UNC79: variants seen among roughly 807,000 people sequenced by gnomAD.
UNC79 encodes the protein unc-79 subunit of NALCN channel complex, also known as protein unc-79 homolog.
Under a neutral mutation model 283.1 loss-of-function variants are expected in UNC79, and 37 were observed. That is an observed-to-expected ratio of 0.13 (90% CI 0.10 to 0.17). The LOEUF (loss-of-function observed/expected upper bound fraction) is 0.17. Among genes scored for constraint, UNC79 ranks in the 10% least tolerant of loss-of-function variants. The pLI, the probability that UNC79 is intolerant of heterozygous loss-of-function variation, is 1.00. For missense variants in UNC79, 2,272 were observed against 3,211.1 expected (o/e 0.71, Z 7.07); for synonymous variants, 1,107 against 1,200.2 (o/e 0.92, Z 1.61).
intron 1 of UNC79, among the ~76,000 whole-genome samples, chr14:93,371,524 C>G (rs75718397): frequency 6.6e-6 from 1 of 152,070 alleles, no homozygotes; most frequent in South Asian, 2.1e-4. Context: ...GGGAAAAAAA[C>G]TTCTTACCTG....
At chr14:93,365,814 A>C (rs1446393702) in intron 1 of UNC79, among the ~76,000 whole-genome samples, 1 of 152,206 alleles carries the variant, frequency 6.6e-6, no homozygotes, top group African/African-American at 2.4e-5. Flanking sequence ...CAGATAGAGA[A>C]AATGGAAGGG....
In UNC79 at chr14:93,529,282, A is replaced by G. The variant is rs754097671; in HGVS notation, c.1053-4A>G. ...TCAAAAATGAATTTTGTTTTTTTCA[A>G]TAGGGACCACAGTGAGTGGCTGATT... On this transcript the variant is annotated splice_polypyrimidine_tract_variant and splice_region_variant and intron_variant, in intron 9 of 48. Coordinates refer to ENST00000555664, the Ensembl canonical transcript of UNC79. 3.0e-5 allele frequency: 49 copies of G among 1,613,058 alleles called. No homozygotes were observed. Among genetic ancestry groups the G allele is most frequent in the Middle Eastern group, 1.7e-4 (1 of 6,042 alleles).
At chr14:93,566,034 T>C (rs1297060575) in intron 14 of UNC79, among the ~76,000 whole-genome samples, 3 of 151,600 alleles carry the variant, frequency 2.0e-5, no homozygotes, top group Non-Finnish European at 4.4e-5. Context: ...AAGCATAGCT[T>C]AGAGGGGTGG....
chr14:93,656,908 A>G (rs1041608154), intron 38 of UNC79, among the ~76,000 whole-genome samples: 1 of 152,220 alleles, frequency 6.6e-6, no homozygotes, highest in Non-Finnish European at 1.5e-5. Flanking sequence ...CAGGTTACCT[A>G]TTAGTAGCTC....
chr14:93,521,146 C>A (rs1470363224), intron 7 of UNC79, among the ~76,000 whole-genome samples: 1 of 151,848 alleles, frequency 6.6e-6, no homozygotes, highest in African/African-American at 2.4e-5. Context: ...TTAGTTTAAC[C>A]CTATTACTAA....
intron 43 of UNC79, among the ~76,000 whole-genome samples, chr14:93,687,643 G>A (rs912727508): frequency 3.3e-5 from 5 of 152,144 alleles, no homozygotes; most frequent in African/African-American, 4.8e-5. Flanking sequence ...CAAATCCCAG[G>A]CAGAAAGTAG....
At chr14:93,695,911 G>T (rs76587645) in intron 47 of UNC79, among the ~76,000 whole-genome samples, 1 of 54,012 alleles carries the variant, frequency 1.9e-5, no homozygotes, top group Admixed American at 2.1e-4. Context: ...AAAAAAAAAA[G>T]CAAACAAAAA....
At chr14:93,403,138 G>C (rs1435880810) in intron 1 of UNC79, among the ~76,000 whole-genome samples, 1 of 152,172 alleles carries the variant, frequency 6.6e-6, no homozygotes, top group Non-Finnish European at 1.5e-5. Flanking sequence ...ACATGTGAGA[G>C]GGGGGTAGAG....
At chr14:93,659,099 C>G (rs973225327) in intron 38 of UNC79, 94 bp from the exon 42 acceptor site, 31 of 986,166 alleles carry the variant, frequency 3.1e-5, no homozygotes, top group Non-Finnish European at 4.4e-5. Flanking sequence ...TCAGATTTTC[C>G]TTTTGCTAAA....
rs55877322 is a variant in UNC79, at chr14:93,361,410, C to T, written c.-351+27887C>T. 8.8e-4 allele frequency among the ~76,000 whole-genome samples: 132 copies of T among 150,670 alleles called. 2 individuals are homozygous for T. The highest frequency in any genetic ancestry group is 1.1e-3 in the Non-Finnish European group (76 of 67,782). ...CCTGTGGTCTTAGTTACCTGGGAGG[C>T]TGAGGTGGGAGGATTGCTTGAGCCC... On this transcript the variant is annotated intron_variant, in intron 1 of 49. Transcript: ENST00000256339.
chr14:93,516,103 C>T (rs933854733), intron 7 of UNC79, among the ~76,000 whole-genome samples: 27 of 151,700 alleles, frequency 1.8e-4, no homozygotes, highest in South Asian at 2.1e-4. Flanking sequence ...GTATCTTTTC[C>T]GTATTGAATT....
chr14:93,417,850 C>T (rs2055497867), intron 1 of UNC79, among the ~76,000 whole-genome samples: 1 of 151,786 alleles, frequency 6.6e-6, no homozygotes, highest in Non-Finnish European at 1.5e-5. Flanking sequence ...ACGTAGTTCT[C>T]GAGCCTTGGC....
intron 1 of UNC79, among the ~76,000 whole-genome samples, chr14:93,463,254 T>G (rs554958410): frequency 2.0e-5 from 3 of 152,202 alleles, no homozygotes; most frequent in Non-Finnish European, 4.4e-5. Context: ...GATCGGAAAG[T>G]GCCTGATGGA....
At chr14:93,404,509 T>TATATATATATATAA (rs1566915254) in intron 1 of UNC79, among the ~76,000 whole-genome samples, 2 of 113,974 alleles carry the variant, frequency 1.8e-5, no homozygotes, top group Non-Finnish European at 3.7e-5. Context: ...TATATATATA[T>TATATATATATATAA]ATATAAATAT....
At chr14:93,614,531 C>T (rs546444663) in intron 27 of UNC79, among the ~76,000 whole-genome samples, 1 of 151,830 alleles carries the variant, frequency 6.6e-6, no homozygotes, top group South Asian at 2.1e-4. Context: ...GTTGGTCAGG[C>T]TGGTCTTGAG....
chr14:93,553,529 A>T (rs2062003000), intron 14 of UNC79, among the ~76,000 whole-genome samples: 1 of 152,238 alleles, frequency 6.6e-6, no homozygotes, highest in Admixed American at 6.5e-5. Context: ...GGAATAGATT[A>T]AAACAAGACA....
At chr14:93,376,898 A>G (rs1348505720) in intron 1 of UNC79, among the ~76,000 whole-genome samples, 1 of 148,142 alleles carries the variant, frequency 6.8e-6, no homozygotes, top group African/African-American at 2.5e-5. Flanking sequence ...AATATATATT[A>G]TATGTTATAT....
Position 93,430,965 on chromosome 14 carries a change from T to A in UNC79, c.-65T>A. The stretch of plus-strand genomic sequence containing the variant: ...TGCACTCTTTTCCTCGCAACATCGC[T>A]GGCGGAGCGAGGGAGCTCACACGAC... On this transcript the variant is annotated 5_prime_UTR_variant, in exon 1 of 49. Transcript: ENST00000555664. This position sits in a 1 kb window ranked among gnomAD's most constrained non-coding sequence, Gnocchi z 4.6. 1.4e-6 allele frequency: 1 copy of A among 696,834 alleles called. No homozygotes were observed. The highest frequency in any genetic ancestry group is 2.6e-6 in the Non-Finnish European group (1 of 381,790). 43.2% of individuals were successfully genotyped at this position (696,834 alleles called of 1,614,324 possible).
intron 8 of UNC79, among the ~76,000 whole-genome samples, chr14:93,527,718 T>C (rs2060610254): frequency 6.6e-6 from 1 of 152,198 alleles, no homozygotes; most frequent in Non-Finnish European, 1.5e-5. Context: ...AGCTAGCACA[T>C]GAATTGATTA....
Sources: allele counts gnomAD v4.1 joint callset (sites outside exome capture counted in the v4.1 genomes callset), GRCh38; gene constraint gnomAD v4.1.1; non-coding constraint Gnocchi (gnomAD v3.1); transcripts MANE v1.5; gene names NCBI Gene and HGNC (gene_info 2026-07-23, HGNC 2026-07-21).